RUNX1: variants seen among roughly 807,000 people sequenced by gnomAD.
RUNX1 encodes runt-related transcription factor 1.
Under a neutral mutation model 42.8 loss-of-function variants are expected in RUNX1, and 19 were observed. That is an observed-to-expected ratio of 0.44 (90% CI 0.31 to 0.65). The LOEUF is 0.65. Ranked by LOEUF, RUNX1 falls within the 30% of genes least tolerant of loss-of-function variation. The pLI is 0.07. For synonymous variants in RUNX1, 271 were observed against 289.4 expected, an observed-to-expected ratio of 0.94 and a Z score of 0.64; for missense variants, 528 against 672.0, an observed-to-expected ratio of 0.79 and a Z score of 2.37.
intron 2 of RUNX1, among the ~76,000 whole-genome samples, chr21:34,984,297 G>A (rs749189812): frequency 6.6e-6 from 1 of 152,186 alleles, no homozygotes; most frequent in Non-Finnish European, 1.5e-5. Flanking sequence ...GCCAAGGATG[G>A]ATAATTTGTT....
At chr21:34,887,719 C>G in intron 3 of RUNX1, 12 of 1,059,858 alleles carry the variant, frequency 1.1e-5, no homozygotes, top group Non-Finnish European at 1.4e-5. Flanking sequence ...TACATATGCT[C>G]TACTTCATAA....
chr21:34,982,602 C>T (rs1242064202), intron 2 of RUNX1, among the ~76,000 whole-genome samples: 2 of 152,198 alleles, frequency 1.3e-5, no homozygotes, highest in Non-Finnish European at 2.9e-5. Context: ...TGGAGTCTCA[C>T]TCTGTCACCC....
chr21:34,923,010 T>C (rs1189636376), intron 2 of RUNX1, among the ~76,000 whole-genome samples: 2 of 152,230 alleles, frequency 1.3e-5, no homozygotes, highest in Non-Finnish European at 2.9e-5. Context: ...AGATAGCAAT[T>C]GGCATGGCCT....
At position 34,911,219 on chromosome 21, in the gene RUNX1, G is replaced by C. The variant is rs546420174; in HGVS notation, c.59-18256C>G. ...AGTGGTGGTACAGGACCCAGGAGAA[G>C]AAGAGTAGGTGCTTAACAAATATTT... On this transcript the variant is annotated intron_variant, in intron 2 of 8. Coordinates refer to ENST00000675419, the MANE Select transcript of RUNX1 (RefSeq NM_001754.5). Among the ~76,000 whole-genome samples, 7 of 152,308 alleles carry C rather than the reference G, an allele frequency of 4.6e-5. No individual in the cohort carries two copies. In the South Asian group the frequency reaches 1.4e-3, roughly 32 times the overall value.
intron 2 of RUNX1, among the ~76,000 whole-genome samples, chr21:35,045,280 C>T (rs921127629): frequency 4.6e-5 from 7 of 151,890 alleles, no homozygotes; most frequent in Non-Finnish European, 8.8e-5. Flanking sequence ...CAGTCTGATT[C>T]TTTAACATCC....
Position 35,047,384 on chromosome 21 carries a change from T to A in RUNX1, c.58+1458A>T, listed in dbSNP as rs551683090. On this transcript the variant is annotated intron_variant, in intron 2 of 8. Transcript: ENST00000675419. Reference sequence around the variant, plus strand: ...GACTAGTGACTAACGCACGTCTGCATGATTCAACTTCACTAAAATTCCCTC... The same window carrying A: ...GACTAGTGACTAACGCACGTCTGCAAGATTCAACTTCACTAAAATTCCCTC... 8.5e-5 allele frequency among the ~76,000 whole-genome samples: 13 copies of A among 152,230 alleles called. 1 individual carries two copies. In the South Asian group the frequency reaches 2.7e-3, roughly 32 times the overall value.
intron 6 of RUNX1, among the ~76,000 whole-genome samples, chr21:34,839,322 C>G (rs2057196205): frequency 6.6e-6 from 1 of 150,388 alleles, no homozygotes; most frequent in African/African-American, 2.5e-5. Flanking sequence ...GATATGTACA[C>G]TCAGTGCACC....
At chr21:34,817,763 G>A (rs2056847880) in intron 7 of RUNX1, among the ~76,000 whole-genome samples, 1 of 152,162 alleles carries the variant, frequency 6.6e-6, no homozygotes, top group South Asian at 2.1e-4. Context: ...TCCACGTCGT[G>A]TGGTCCTGCA....
intron 5 of RUNX1, among the ~76,000 whole-genome samples, chr21:34,861,645 C>T (rs1018419273): frequency 2.0e-5 from 3 of 152,302 alleles, no homozygotes; most frequent in East Asian, 3.9e-4. Context: ...GTGCACCCTC[C>T]GAGTTCTACC....
At chr21:34,859,987 T>C (rs2057549287) in intron 5 of RUNX1, among the ~76,000 whole-genome samples, 1 of 152,242 alleles carries the variant, frequency 6.6e-6, no homozygotes, top group South Asian at 2.1e-4. Flanking sequence ...TTTCTCTTCT[T>C]ACTTTGTACC....
intron 3 of RUNX1, chr21:34,888,726 T>A: frequency 9.8e-7 from 1 of 1,018,024 alleles, no homozygotes; most frequent in Non-Finnish European, 1.2e-6. Flanking sequence ...GCTTTTACTG[T>A]AAGCCCGGCC....
intron 6 of RUNX1, chr21:34,859,270 G>A: frequency 1.6e-6 from 1 of 609,458 alleles, no homozygotes; most frequent in East Asian, 2.8e-5. Context: ...CCTCTAAAAG[G>A]ATGCTTCAAA....
chr21:34,905,645 G>C lies in RUNX1; in HGVS notation c.59-12682C>G, dbSNP rs528940742. Among the ~76,000 whole-genome samples the C allele has an allele frequency of 9.8e-5, 15 of 152,318 alleles. No individual in the cohort carries two copies. The South Asian group carries it at 3.1e-3, about 32-fold the overall frequency. On this transcript the variant is annotated intron_variant, in intron 2 of 8. Coordinates refer to ENST00000675419, the MANE Select transcript of RUNX1 (RefSeq NM_001754.5). ...TTAAAGTGTTCTAGAATGCTTATGAGTAAAATTAGGAAATTTGGATACAAA... is the reference window on the plus strand; with the variant it reads ...TTAAAGTGTTCTAGAATGCTTATGACTAAAATTAGGAAATTTGGATACAAA...
At chr21:35,036,379 C>T (rs748513959) in intron 2 of RUNX1, among the ~76,000 whole-genome samples, 2 of 152,164 alleles carry the variant, frequency 1.3e-5, no homozygotes, top group South Asian at 2.1e-4. Flanking sequence ...TGGCCAGCCC[C>T]CTGCATTTCC....
chr21:34,951,932 G>A (rs2058611384), intron 2 of RUNX1, among the ~76,000 whole-genome samples: 1 of 152,166 alleles, frequency 6.6e-6, no homozygotes, highest in African/African-American at 2.4e-5. Context: ...GCACACGTAT[G>A]TTTCTTGCGG....
At chr21:34,978,155 G>A (rs1363582050) in intron 2 of RUNX1, among the ~76,000 whole-genome samples, 1 of 152,142 alleles carries the variant, frequency 6.6e-6, no homozygotes, top group African/African-American at 2.4e-5. Context: ...AGCCAGGATG[G>A]TCTCGATCTC....
intron 2 of RUNX1, among the ~76,000 whole-genome samples, chr21:34,966,811 A>G (rs979941873): frequency 3.3e-5 from 5 of 152,154 alleles, no homozygotes; most frequent in Admixed American, 2.0e-4. Flanking sequence ...TTTCCACCCA[A>G]GAGTTTTCGA....
chr21:34,986,552 G>C (rs2058889322), intron 2 of RUNX1, among the ~76,000 whole-genome samples: 1 of 148,788 alleles, frequency 6.7e-6, no homozygotes, highest in Non-Finnish European at 1.5e-5. Context: ...GATTTGTTAA[G>C]ATGAGGTCAT....
At chr21:35,025,414 C>T (rs1327015881) in intron 2 of RUNX1, among the ~76,000 whole-genome samples, 1 of 152,162 alleles carries the variant, frequency 6.6e-6, no homozygotes, top group Non-Finnish European at 1.5e-5. Flanking sequence ...ATCTGCTCCT[C>T]CCCCAGACGT....
Sources: allele counts gnomAD v4.1 joint callset (sites outside exome capture counted in the v4.1 genomes callset), GRCh38; gene constraint gnomAD v4.1.1; transcripts MANE v1.5; gene names NCBI Gene and HGNC (gene_info 2026-07-23, HGNC 2026-07-21).